LRBA: variants seen among roughly 807,000 people sequenced by gnomAD.
The protein encoded by LRBA is LPS responsive beige-like anchor protein.
Under a neutral mutation model 330.0 loss-of-function variants are expected in LRBA, and 176 were observed. That is an observed-to-expected ratio of 0.53 (90% CI 0.47 to 0.60). The LOEUF is 0.60. Ranked by LOEUF, LRBA falls within the 20% of genes least tolerant of loss-of-function variation. LRBA has a pLI of 0.00. For synonymous variants in LRBA, 1,230 were observed against 1,193.0 expected (o/e 1.03, Z -0.64); for missense variants, 3,259 against 3,444.8 (o/e 0.95, Z 1.35).
chr4:150,909,987 A>C (rs1370741134), intron 9 of LRBA, among the ~76,000 whole-genome samples: 3 of 152,064 alleles, frequency 2.0e-5, no homozygotes, highest in Admixed American at 2.0e-4. Context: ...CAACTCTTTT[A>C]TGCATTTTTA....
chr4:150,283,447 A>G (rs1184992102), intron 54 of LRBA, among the ~76,000 whole-genome samples: 1 of 152,210 alleles, frequency 6.6e-6, no homozygotes, highest in East Asian at 1.9e-4. Flanking sequence ...TGCTTGTGTG[A>G]TGAGCAAGTT....
At chr4:150,848,355 A>C (rs1750142221) in intron 26 of LRBA, among the ~76,000 whole-genome samples, 1 of 151,946 alleles carries the variant, frequency 6.6e-6, no homozygotes, top group South Asian at 2.1e-4. Context: ...AAGATCATCA[A>C]ATTTATGAAT....
chr4:150,386,767 T>C (rs1483908016), intron 47 of LRBA, among the ~76,000 whole-genome samples: 1 of 152,148 alleles, frequency 6.6e-6, no homozygotes, highest in African/African-American at 2.4e-5. Flanking sequence ...ACATATTCCT[T>C]TGGGTATATA....
chr4:150,624,099 T>C (rs1056419902), intron 37 of LRBA, among the ~76,000 whole-genome samples: 1 of 152,188 alleles, frequency 6.6e-6, no homozygotes, highest in Admixed American at 6.5e-5. Context: ...TTAAAATCTA[T>C]TTCTTTTTAA....
intron 17 of LRBA, among the ~76,000 whole-genome samples, chr4:150,887,546 G>C (rs951965200): frequency 1.3e-5 from 2 of 152,022 alleles, no homozygotes; most frequent in Admixed American, 6.6e-5. Context: ...GGCCGAGGCA[G>C]GCAGATGGTC....
chr4:150,642,431 A>C (rs1243507469), intron 37 of LRBA, among the ~76,000 whole-genome samples: 1 of 151,948 alleles, frequency 6.6e-6, no homozygotes, highest in Non-Finnish European at 1.5e-5. Context: ...TAATACTAAA[A>C]TATTCATATT....
At chr4:150,613,733 G>A (rs1483984897) in intron 37 of LRBA, among the ~76,000 whole-genome samples, 2 of 152,212 alleles carry the variant, frequency 1.3e-5, no homozygotes. Context: ...TGCATCTCTG[G>A]CGGGAGTTGC....
At chr4:150,766,356 C>T (rs1735765723) in intron 34 of LRBA, among the ~76,000 whole-genome samples, 1 of 151,928 alleles carries the variant, frequency 6.6e-6, no homozygotes, top group African/African-American at 2.4e-5. Context: ...CAAATGCATA[C>T]TAAAAAGAAT....
chr4:150,550,195 A>G (rs1581646171), intron 40 of LRBA, among the ~76,000 whole-genome samples: 2 of 152,312 alleles, frequency 1.3e-5, no homozygotes, highest in South Asian at 4.1e-4. Context: ...TAAACACTGT[A>G]TTTTGATTTC....
chr4:150,582,005 G>C (rs1217356517), intron 40 of LRBA: 1 of 150,714 alleles, frequency 6.6e-6, no homozygotes, highest in Non-Finnish European at 1.5e-5. Flanking sequence ...CACGAGGAAG[G>C]GGGGCGGGGG....
chr4:150,783,719 A>T (rs1475535635), intron 34 of LRBA, among the ~76,000 whole-genome samples: 1 of 152,216 alleles, frequency 6.6e-6, no homozygotes, highest in Non-Finnish European at 1.5e-5. Context: ...GAATGTGGGG[A>T]ACAGATTTAG....
At chr4:150,822,275 T>C (rs1272305436) in intron 30 of LRBA, among the ~76,000 whole-genome samples, 2 of 152,210 alleles carry the variant, frequency 1.3e-5, no homozygotes, top group Admixed American at 6.5e-5. Flanking sequence ...AATATGTTCA[T>C]GATCTACTCA....
chr4:150,575,047 G>A (rs1378375961), intron 40 of LRBA, among the ~76,000 whole-genome samples: 1 of 151,902 alleles, frequency 6.6e-6, no homozygotes, highest in South Asian at 2.1e-4. Flanking sequence ...CAGAAAATAA[G>A]AGAATGACTC....
At chr4:151,005,013 G>A (rs1354665526) in intron 2 of LRBA, among the ~76,000 whole-genome samples, 1 of 151,560 alleles carries the variant, frequency 6.6e-6, no homozygotes, top group African/African-American at 2.4e-5. Context: ...AAGAAGGTAG[G>A]GAAAAAAGAT....
In LRBA at chr4:150,310,338, G is replaced by T; in HGVS notation, c.7740C>A (p.Asp2580Glu). ...MHRRQITDLL[D>E]QSIQVHSQCF... Reference sequence around the variant, plus strand: ...ACTGGGAATGCACTTGAATACTTTGGTCTAAAAGGTCAGTGATTTGCCTCC... The same window carrying T: ...ACTGGGAATGCACTTGAATACTTTGTTCTAAAAGGTCAGTGATTTGCCTCC... The change falls in exon 52 of 57, where the codon GAC (aspartate) becomes GAA (glutamate). Residue 2580 changes from aspartate to glutamate, a missense_variant. Transcript: ENST00000651943. 2 of 1,613,182 alleles carry T rather than the reference G, an allele frequency of 1.2e-6. No homozygotes were observed. The highest frequency in any genetic ancestry group is 1.7e-6 in the Non-Finnish European group (2 of 1,179,378).
At chr4:150,314,579 T>C (rs1022235944) in intron 51 of LRBA, 2 of 152,178 alleles carry the variant, frequency 1.3e-5, no homozygotes, top group Non-Finnish European at 1.5e-5. Context: ...ATATGCTTTC[T>C]TTAAAAACAT....
chr4:150,658,517 C>G (rs564607685), intron 37 of LRBA, among the ~76,000 whole-genome samples: 44 of 82 alleles, frequency 0.54, 6 homozygotes, highest in Non-Finnish European at 0.58. Flanking sequence ...CTCCCTCTCC[C>G]TCTCCCTCTC....
chr4:150,816,516 CAT>C (rs1175559132), intron 31 of LRBA, among the ~76,000 whole-genome samples: 1 of 151,508 alleles, frequency 6.6e-6, no homozygotes, highest in East Asian at 1.9e-4. Context: ...ATTTTTTATC[CAT>C]ATATATGCTT....
At chr4:150,279,712 CAGTT>C (rs1330746107) in intron 55 of LRBA, among the ~76,000 whole-genome samples, 4 of 152,182 alleles carry the variant, frequency 2.6e-5, no homozygotes, top group Admixed American at 1.3e-4. Flanking sequence ...GTGTGGAAGA[CAGTT>C]AGTTACATAT....
Sources: allele counts gnomAD v4.1 joint callset (sites outside exome capture counted in the v4.1 genomes callset), GRCh38; gene constraint gnomAD v4.1.1; transcripts MANE v1.5; gene names NCBI Gene and HGNC (gene_info 2026-07-23, HGNC 2026-07-21).